AFG1L: variants seen among roughly 807,000 people sequenced by gnomAD.
The protein encoded by AFG1L is AFG1 like ATPase.
AFG1L carries 53 observed loss-of-function variants against 62.2 expected under a neutral mutation model. The ratio of observed to expected loss-of-function variants is 0.85; its 90% CI spans 0.68 to 1.07. The LOEUF is 1.07. AFG1L is among the 50% of genes least tolerant of loss of function. The probability of loss-of-function intolerance (pLI) is 0.00; values close to 1 mark genes in which losing one functional copy is unlikely to be tolerated. For missense variants in AFG1L, 555 were observed against 590.5 expected (o/e 0.94, Z 0.62); for synonymous variants, 228 against 210.3 (o/e 1.08, Z -0.73).
At chr6:108,448,360 T>A (rs889516677) in intron 8 of AFG1L, among the ~76,000 whole-genome samples, 5 of 152,318 alleles carry the variant, frequency 3.3e-5, no homozygotes, top group African/African-American at 1.2e-4. Flanking sequence ...TTTATTTTTC[T>A]AATATTCACA....
intron 1 of AFG1L, among the ~76,000 whole-genome samples, chr6:108,307,710 T>G (rs149469721): frequency 5.5e-4 from 84 of 152,348 alleles, no homozygotes; most frequent in African/African-American, 1.9e-3. Context: ...ATAATAGAAT[T>G]GCTGGCTCAT....
intron 10 of AFG1L, among the ~76,000 whole-genome samples, chr6:108,486,862 G>A (rs1476858953): frequency 1.3e-5 from 2 of 151,854 alleles, no homozygotes; most frequent in Non-Finnish European, 2.9e-5. Context: ...ACCTCACCAC[G>A]CCCAGCTAAT....
intron 1 of AFG1L, among the ~76,000 whole-genome samples, chr6:108,295,449 CAG>C (rs1308670184): frequency 1.3e-5 from 2 of 152,054 alleles, no homozygotes; most frequent in Non-Finnish European, 2.9e-5. Flanking sequence ...GAGGTTGACT[CAG>C]AGTTTGTTCC....
intron 7 of AFG1L, among the ~76,000 whole-genome samples, chr6:108,408,967 CAGTT>C (rs56854734): frequency 0.1 from 15,166 of 151,972 alleles, 1,076 homozygotes; most frequent in African/African-American, 0.2. Context: ...TTTAGAGGAA[CAGTT>C]AGGTAAATGA....
At chr6:108,385,105 C>CA (rs2114569590) in intron 6 of AFG1L, among the ~76,000 whole-genome samples, 2 of 152,258 alleles carry the variant, frequency 1.3e-5, no homozygotes, top group East Asian at 3.9e-4. Context: ...ATAAATTAAG[C>CA]ACACTTTAGT....
At chr6:108,413,419 A>C (rs1473915613) in intron 7 of AFG1L, among the ~76,000 whole-genome samples, 1 of 152,234 alleles carries the variant, frequency 6.6e-6, no homozygotes, top group Non-Finnish European at 1.5e-5. Context: ...AAGCAGACCT[A>C]ATAGACATCT....
At chr6:108,396,350 A>G (rs1395716101) in intron 6 of AFG1L, among the ~76,000 whole-genome samples, 1 of 152,176 alleles carries the variant, frequency 6.6e-6, no homozygotes, top group East Asian at 1.9e-4. Flanking sequence ...ACAGTTACGT[A>G]TATTAAAAAA....
At chr6:108,300,018 A>G (rs186841930) in intron 1 of AFG1L, among the ~76,000 whole-genome samples, 1 of 152,340 alleles carries the variant, frequency 6.6e-6, no homozygotes, top group Admixed American at 6.5e-5. Flanking sequence ...TATGAGGATC[A>G]CATCTTATGA....
intron 10 of AFG1L, among the ~76,000 whole-genome samples, chr6:108,480,668 A>T (rs747654695): frequency 3.3e-5 from 5 of 152,040 alleles, no homozygotes; most frequent in Non-Finnish European, 5.9e-5. Context: ...CGTGGTGGCA[A>T]GCATCTGTAA....
At position 108,519,719 on chromosome 6, in the gene AFG1L, C is replaced by T. The variant is rs778941841; in HGVS notation, c.1226C>T (p.Ser409Leu). The change falls in exon 12 of 13, where the codon TCG (serine) becomes TTG (leucine). Residue 409 changes from serine (S) to leucine (L), a missense_variant. Physicochemically the swap from Ser to Leu is moderately radical, Grantham distance 145. Coordinates refer to ENST00000368977, the MANE Select transcript of AFG1L (RefSeq NM_145315.5). ...CAGGTGCGTATAATTTGCTCTGCGT[C>T]GACTCCTATATCAAGCTTATTTTTG... ...DLKVRIICSA[S>L]TPISSLFLHQ... 21 of 1,610,236 alleles carry T rather than the reference C, an allele frequency of 1.3e-5. No individual in the cohort carries two copies. Among genetic ancestry groups the T allele is most frequent in the Admixed American group, 1.7e-5 (1 of 59,758 alleles).
At chr6:108,470,610 T>A (rs1772847317) in intron 8 of AFG1L, among the ~76,000 whole-genome samples, 1 of 152,208 alleles carries the variant, frequency 6.6e-6, no homozygotes, top group African/African-American at 2.4e-5. Context: ...TGTATCCAAA[T>A]GTACTTAACC....
chr6:108,519,145 C>G (rs1482422156), intron 11 of AFG1L, among the ~76,000 whole-genome samples: 1 of 152,178 alleles, frequency 6.6e-6, no homozygotes, highest in Non-Finnish European at 1.5e-5. Context: ...TGCTTTGTTG[C>G]CACCAGAGGG....
At chr6:108,465,266 ATTTAG>A (rs1245072558) in intron 8 of AFG1L, among the ~76,000 whole-genome samples, 2 of 152,216 alleles carry the variant, frequency 1.3e-5, no homozygotes, top group Non-Finnish European at 2.9e-5. Flanking sequence ...ATCATGTTAA[ATTTAG>A]TGCCGTCTTC....
rs576137473 is a variant in AFG1L, at chr6:108,372,570, C to T, written c.748+6238C>T. 2.1e-3 allele frequency among the ~76,000 whole-genome samples: 327 copies of T among 152,136 alleles called. 1 individual carries two copies. Among genetic ancestry groups the T allele is most frequent in the Non-Finnish European group, 3.9e-3 (263 of 67,992 alleles). ...GTCTCAAACTCCTGACCTTGTGATCCGCCCACCTCGGCCTCCCAAAGTGCT... is the reference window on the plus strand; with the variant it reads ...GTCTCAAACTCCTGACCTTGTGATCTGCCCACCTCGGCCTCCCAAAGTGCT... On this transcript the variant is annotated intron_variant, in intron 6 of 12. Coordinates refer to ENST00000368977, the MANE Select transcript of AFG1L (RefSeq NM_145315.5).
intron 8 of AFG1L, among the ~76,000 whole-genome samples, chr6:108,453,750 G>T (rs1455508252): frequency 2.0e-5 from 3 of 152,136 alleles, no homozygotes; most frequent in Non-Finnish European, 4.4e-5. Flanking sequence ...TGCCTCTAAG[G>T]TTGCCACCTT....
At chr6:108,438,381 A>G (rs757141801) in intron 7 of AFG1L, among the ~76,000 whole-genome samples, 3 of 152,158 alleles carry the variant, frequency 2.0e-5, no homozygotes, top group Non-Finnish European at 4.4e-5. Context: ...TGGGGTACAC[A>G]CATAACTGTA....
At chr6:108,358,752 G>A (rs1164903163) in intron 5 of AFG1L, among the ~76,000 whole-genome samples, 1 of 151,988 alleles carries the variant, frequency 6.6e-6, no homozygotes, top group Non-Finnish European at 1.5e-5. Context: ...CAGGCTGGTC[G>A]CGAACTCCTC....
At chr6:108,352,775 G>A (rs1291011981) in intron 3 of AFG1L, among the ~76,000 whole-genome samples, 2 of 151,640 alleles carry the variant, frequency 1.3e-5, no homozygotes, top group South Asian at 2.1e-4. Flanking sequence ...CATATCACCC[G>A]GGCTGGTCTC....
At chr6:108,450,137 A>G (rs1311676498) in intron 8 of AFG1L, among the ~76,000 whole-genome samples, 2 of 152,260 alleles carry the variant, frequency 1.3e-5, no homozygotes, top group East Asian at 3.8e-4. Context: ...TGGCTTGATC[A>G]AATGGTATTT....
Sources: allele counts gnomAD v4.1 joint callset (sites outside exome capture counted in the v4.1 genomes callset), GRCh38; gene constraint gnomAD v4.1.1; transcripts MANE v1.5; gene names NCBI Gene and HGNC (gene_info 2026-07-23, HGNC 2026-07-21).